Variants in RCSD1 observed in about 807,000 individuals in gnomAD.
RCSD1 encodes the protein capZ-interacting protein.
Under a neutral mutation model 42.5 loss-of-function variants are expected in RCSD1, and 26 were observed. The observed-to-expected ratio is 0.61, with a 90% CI of 0.45 to 0.85. RCSD1 has a LOEUF of 0.85. Ranked by LOEUF, RCSD1 falls within the 40% of genes least tolerant of loss-of-function variation. The pLI is 0.00. For missense variants in RCSD1, 571 were observed against 528.3 expected (o/e 1.08, Z -0.79); for synonymous variants, 220 against 212.2 (o/e 1.04, Z -0.32).
chr1:167,697,000 T>C, intron 5 of RCSD1, 99 bp from the exon 6 acceptor site: 1 of 1,115,928 alleles, frequency 9.0e-7, no homozygotes, highest in Admixed American at 2.5e-5. Flanking sequence ...CGTGGACTTG[T>C]GAAGCAGTGC....
intron 1 of RCSD1, among the ~76,000 whole-genome samples, chr1:167,665,578 C>T (rs1658637765): frequency 6.6e-6 from 1 of 152,210 alleles, no homozygotes; most frequent in South Asian, 2.1e-4. Context: ...CACATTCCCA[C>T]CAACAATATA....
Position 167,630,302 on chromosome 1 carries a change from C to T in RCSD1, c.-122C>T, listed in dbSNP as rs970415723. ...GCAGCCGGGCGCGCGCCACCGCCCA[C>T]TCGCCCTGTGCCCGCCGCAGCCCGA... On this transcript the variant is annotated 5_prime_UTR_variant, in exon 1 of 7. Coordinates refer to ENST00000367854, the MANE Select transcript of RCSD1 (RefSeq NM_052862.4). 14 of 1,154,970 alleles carry T rather than the reference C, an allele frequency of 1.2e-5. No homozygotes were observed. Among genetic ancestry groups the T allele is most frequent in the Middle Eastern group, 3.1e-4 (1 of 3,234 alleles). 71.5% of individuals were successfully genotyped at this position (1,154,970 alleles called of 1,614,324 possible). A position where few individuals can be genotyped will look rare whatever the true frequency, so the allele number is the denominator to read the frequency against.
chr1:167,704,775 C>A lies in RCSD1; in HGVS notation c.*79C>A. On this transcript the variant is annotated 3_prime_UTR_variant, in exon 7 of 7. Transcript: ENST00000367854. ...GTAGCAGCAACAGTTGTAGCAGCAG[C>A]AGACGAAGCCATTGCAGAGGCAGAA... is the stretch of plus-strand genomic sequence containing the variant. 7.1e-7 allele frequency: 1 copy of A among 1,410,772 alleles called. No homozygotes were observed. The highest frequency in any genetic ancestry group is 1.0e-6 in the Non-Finnish European group (1 of 1,002,454). The allele number at this position is 1,410,772 out of a possible 1,614,324, so 87.4% of individuals were successfully genotyped here.
chr1:167,638,263 A>G (rs979684135), intron 1 of RCSD1: 3 of 152,210 alleles, frequency 2.0e-5, no homozygotes, highest in Admixed American at 6.5e-5. Flanking sequence ...CACCGATGTC[A>G]GTGTGGGAGA....
At chr1:167,700,138 G>A (rs1659603188) in intron 6 of RCSD1, among the ~76,000 whole-genome samples, 1 of 152,166 alleles carries the variant, frequency 6.6e-6, no homozygotes, top group Non-Finnish European at 1.5e-5. Flanking sequence ...TTTAAAAGAA[G>A]ACAGAAAATT....
chr1:167,692,523 ATT>A (rs1208033788), intron 4 of RCSD1, among the ~76,000 whole-genome samples: 48 of 140,032 alleles, frequency 3.4e-4, no homozygotes, highest in African/African-American at 1.3e-3. Flanking sequence ...TTTTTTTTTT[ATT>A]TTTATTTTTT....
Position 167,704,817 on chromosome 1 carries a change from A to T in RCSD1, c.*121A>T. 3.1e-6 allele frequency: 3 copies of T among 962,194 alleles called. No homozygotes were observed. The South Asian group carries it at 4.2e-5, about 13-fold the overall frequency. The allele number at this position is 962,194 out of a possible 1,614,324, so 59.6% of individuals were successfully genotyped here. On this transcript the variant is annotated 3_prime_UTR_variant, in exon 7 of 7. Coordinates refer to ENST00000367854, the MANE Select transcript of RCSD1 (RefSeq NM_052862.4). ...GAGGCAGAATATGCTGAGTGTCTGG[A>T]GTCAGCCTGAAGACACAGGGTGGAT...
chr1:167,699,383 C>G (rs1659588094), intron 6 of RCSD1, among the ~76,000 whole-genome samples: 1 of 152,270 alleles, frequency 6.6e-6, no homozygotes, highest in East Asian at 1.9e-4. Context: ...GTTCCTCTCC[C>G]TTAAGTTCTG....
At chr1:167,693,873 T>A (rs1659434897) in intron 4 of RCSD1, among the ~76,000 whole-genome samples, 1 of 149,752 alleles carries the variant, frequency 6.7e-6, no homozygotes, top group Non-Finnish European at 1.5e-5. Flanking sequence ...GGCTGAGCAT[T>A]TTGGAATGCA....
intron 1 of RCSD1, among the ~76,000 whole-genome samples, chr1:167,660,700 C>T (rs545167619): frequency 2.2e-4 from 33 of 152,240 alleles, no homozygotes; most frequent in African/African-American, 7.2e-4. Context: ...TCTTGAAGTC[C>T]TGGCTTCAAG....
chr1:167,660,495 A>T (rs1658517889), intron 1 of RCSD1, among the ~76,000 whole-genome samples: 1 of 151,168 alleles, frequency 6.6e-6, no homozygotes. Flanking sequence ...TTTTAGAAAC[A>T]GGGTCTTACT....
chr1:167,698,647 C>G (rs1659557692), intron 6 of RCSD1, among the ~76,000 whole-genome samples: 1 of 152,174 alleles, frequency 6.6e-6, no homozygotes. Context: ...TCTGCAGAGT[C>G]CCTAACAATC....
At chr1:167,668,655 G>C (rs1658720632) in intron 1 of RCSD1, among the ~76,000 whole-genome samples, 1 of 151,304 alleles carries the variant, frequency 6.6e-6, no homozygotes, top group Admixed American at 6.6e-5. Flanking sequence ...CTTTTGATTT[G>C]GTTCATTCCT....
intron 1 of RCSD1, among the ~76,000 whole-genome samples, chr1:167,679,693 T>C (rs1659032788): frequency 6.6e-6 from 1 of 152,218 alleles, no homozygotes; most frequent in East Asian, 1.9e-4. Context: ...GCTCTCTCAC[T>C]GCATCTTCTC....
At chr1:167,650,851 G>A (rs751309843) in intron 1 of RCSD1, among the ~76,000 whole-genome samples, 1 of 152,192 alleles carries the variant, frequency 6.6e-6, no homozygotes, top group Non-Finnish European at 1.5e-5. Flanking sequence ...CAGCTTCCCC[G>A]AGGCCAAGTT....
At position 167,651,103 on chromosome 1, in the gene RCSD1, G is replaced by A. The variant is rs570950404; in HGVS notation, c.6+20674G>A. 5.3e-5 allele frequency among the ~76,000 whole-genome samples: 8 copies of A among 152,274 alleles called. No individual in the cohort carries two copies. In the South Asian group the frequency reaches 1.7e-3, roughly 32 times the overall value. ...AAGGACACCAGCCAGGTGGGACCAA[G>A]GGCCATCGTAATGACCTTGTTTTAA... is the stretch of plus-strand genomic sequence containing the variant. On this transcript the variant is annotated intron_variant, in intron 1 of 6. Transcript: ENST00000367854.
chr1:167,679,919 G>T (rs1045707656), intron 1 of RCSD1, among the ~76,000 whole-genome samples: 1 of 152,156 alleles, frequency 6.6e-6, no homozygotes, highest in Non-Finnish European at 1.5e-5. Flanking sequence ...TGGCAACAGC[G>T]GAGGGGAAGT....
At chr1:167,704,198 CT>C (rs1659705923) in intron 6 of RCSD1, among the ~76,000 whole-genome samples, 1 of 152,060 alleles carries the variant, frequency 6.6e-6, no homozygotes, top group African/African-American at 2.4e-5. Flanking sequence ...TCTTTCTGTC[CT>C]TTTTCCATTT....
intron 6 of RCSD1, among the ~76,000 whole-genome samples, chr1:167,699,126 C>CTT (rs113133784): frequency 6.6e-6 from 1 of 151,932 alleles, no homozygotes; most frequent in African/African-American, 2.4e-5. Context: ...CCTGCTTCCA[C>CTT]TTTTTTTTCC....
Sources: gnomAD v4.1 joint callset for allele counts (sites outside exome capture counted in the v4.1 genomes callset) on GRCh38, gnomAD v4.1.1 for gene constraint, MANE v1.5 for transcripts, NCBI Gene and HGNC (gene_info 2026-07-23, HGNC 2026-07-21) for gene names.